The following OR4A15 variants were observed in gnomAD, a reference collection of about 807,000 sequenced individuals.
The protein encoded by OR4A15 is olfactory receptor family 4 subfamily A member 15, also known as olfactory receptor 4A15.
For missense variants in OR4A15, 657 were observed against 374.7 expected, an observed-to-expected ratio of 1.75 and a Z score of -6.22; for synonymous variants, 240 against 135.6, an observed-to-expected ratio of 1.77 and a Z score of -5.35.
chr11:55,368,135 T>A, exon 1 of OR4A15: 2 of 1,612,750 alleles, frequency 1.2e-6, no homozygotes, highest in Middle Eastern at 1.9e-4. Context: ...AGTCCCTGGG[T>A]TCCCCCATGT....
At chr11:55,368,694 C>T (rs766514141) in exon 1 of OR4A15, 2 of 1,613,634 alleles carry the variant, frequency 1.2e-6, no homozygotes, top group East Asian at 2.2e-5. Context: ...CTGTGCATCC[C>T]ACGTCACTGT....
Position 55,368,501 on chromosome 11 carries a change from G to C in OR4A15, c.528G>C (p.Leu176=), listed in dbSNP as rs533299103. Reference sequence around the variant, plus strand: ...GACCCAATGTCATTGACAACTTCCTGTGTGATTTGTATCCCTTATTGAAAC... The same window carrying C: ...GACCCAATGTCATTGACAACTTCCTCTGTGATTTGTATCCCTTATTGAAAC... The change falls in exon 1 of 1, where the codon CTG becomes CTC. Residue 176 remains leucine, a synonymous_variant. Transcript: ENST00000641526. 46 of 1,611,938 alleles carry C rather than the reference G, an allele frequency of 2.9e-5. No individual in the cohort carries two copies. In the East Asian group the frequency reaches 8.9e-4, roughly 31 times the overall value.
At chr11:55,368,577 G>A (rs747601331) in exon 1 of OR4A15, 1 of 1,613,448 alleles carries the variant, frequency 6.2e-7, no homozygotes, top group Non-Finnish European at 8.5e-7. Context: ...AGCTAATGGA[G>A]GAGCGATTTG....
chr11:55,368,725 C>A, exon 1 of OR4A15: 1 of 1,613,690 alleles, frequency 6.2e-7, no homozygotes, highest in African/African-American at 1.3e-5. Flanking sequence ...TTCTTTGTCC[C>A]CTGTATCTTC....
chr11:55,368,861 G>A (rs1565113230), exon 1 of OR4A15: 1 of 1,611,364 alleles, frequency 6.2e-7, no homozygotes. Context: ...AAAGTGCCAT[G>A]AGGAAACTTT....
At chr11:55,368,801 A>G in exon 1 of OR4A15, 1 of 1,613,572 alleles carries the variant, frequency 6.2e-7, no homozygotes, top group Non-Finnish European at 8.5e-7. Context: ...TAACTTTTAT[A>G]ACTCCCATGC....
In OR4A15 at chr11:55,368,794, C is replaced by G. The variant is rs111282202; in HGVS notation, c.821C>G (p.Thr274Ser). The change falls in exon 1 of 1, where the codon ACT (threonine) becomes AGT (serine). Residue 274 changes from threonine (T) to serine (S), a missense_variant. Coordinates refer to ENST00000641526, the Ensembl canonical transcript of OR4A15. ...GATAAATCCATGACTGTAGTTCTAACTTTTATAACTCCCATGCTGAACCCA... is the reference window on the plus strand; with the variant it reads ...GATAAATCCATGACTGTAGTTCTAAGTTTTATAACTCCCATGCTGAACCCA... 5,897 of 1,613,234 alleles carry G rather than the reference C, an allele frequency of 3.7e-3. 186 individuals carry two copies. In the African/African-American group the frequency reaches 0.066, roughly 18 times the overall value.
exon 1 of OR4A15, chr11:55,368,117 G>C (rs1263325419): frequency 6.2e-7 from 1 of 1,612,744 alleles, no homozygotes; most frequent in Non-Finnish European, 8.5e-7. Flanking sequence ...TGACCATCAT[G>C]GCCAGCCAGT....
At chr11:55,368,917 G>A in exon 1 of OR4A15, 1 of 1,573,388 alleles carries the variant, frequency 6.4e-7, no homozygotes, top group Non-Finnish European at 8.7e-7. Context: ...TATCACTCAT[G>A]AGAATGTGAC....
exon 1 of OR4A15, chr11:55,368,427 C>A (rs1853884649): frequency 9.9e-6 from 16 of 1,612,750 alleles, no homozygotes; most frequent in Non-Finnish European, 1.3e-5. Context: ...TGGAGGCTTT[C>A]TTCACTCATT....
chr11:55,368,342 C>T (rs1590669637), exon 1 of OR4A15: 3 of 1,612,564 alleles, frequency 1.9e-6, no homozygotes, highest in Non-Finnish European at 1.7e-6. Flanking sequence ...GATACATGGC[C>T]ATCTGTAAGC....
At chr11:55,368,701 C>G (rs376261936) in exon 1 of OR4A15, 4 of 1,613,556 alleles carry the variant, frequency 2.5e-6, no homozygotes, top group Admixed American at 3.3e-5. Context: ...TCCCACGTCA[C>G]TGTGGTCATT....
At position 55,368,668 on chromosome 11, in the gene OR4A15, G is replaced by A. The variant is rs753415282; in HGVS notation, c.695G>A (p.Arg232Gln). The change falls in exon 1 of 1, where the codon CGA becomes CAA. Residue 232 changes from arginine (R) to glutamine (Q), a missense_variant. Physicochemically the swap from Arg to Gln is conservative, Grantham distance 43 (BLOSUM62 1). Transcript: ENST00000641526. Reference sequence around the variant, plus strand: ...AAGACTCAGAGTTTGGAAGGGAAACGAAAAGCTTTCTACACCTGTGCATCC... The same window carrying A: ...AAGACTCAGAGTTTGGAAGGGAAACAAAAAGCTTTCTACACCTGTGCATCC... 1.8e-5 allele frequency: 29 copies of A among 1,613,708 alleles called. No individual in the cohort carries two copies. The highest frequency in any genetic ancestry group is 2.4e-5 in the Non-Finnish European group (28 of 1,179,860).
At position 55,368,763 on chromosome 11, in the gene OR4A15, C is replaced by T. The variant is rs1853894064; in HGVS notation, c.790C>T (p.Pro264Ser). The T allele has an allele frequency of 1.9e-6, 3 of 1,613,728 alleles. No homozygotes were observed. The East Asian group carries it at 6.7e-5, about 36-fold the overall frequency. ...GTATGCAAGGCCCAATTCTACTTTT[C>T]CCATTGATAAATCCATGACTGTAGT... Residue 264 changes from proline to serine, a missense_variant, in exon 1 of 1, where the codon CCC becomes TCC. By Grantham distance (74) the Pro-to-Ser change is moderately conservative (BLOSUM62 -1). Transcript: ENST00000641526.
At chr11:55,368,747 G>A (rs189463420) in exon 1 of OR4A15, 47 of 1,613,712 alleles carry the variant, frequency 2.9e-5, no homozygotes, top group Admixed American at 2.5e-4. Context: ...TGTATGCAAG[G>A]CCCAATTCTA....
exon 1 of OR4A15, chr11:55,368,149 T>A: frequency 6.2e-7 from 1 of 1,612,842 alleles, no homozygotes; most frequent in Non-Finnish European, 8.5e-7. Context: ...CCCATGTACT[T>A]TTTTCTGGCT....
exon 1 of OR4A15, chr11:55,368,184 T>G: frequency 6.2e-7 from 1 of 1,613,512 alleles, no homozygotes; most frequent in Non-Finnish European, 8.5e-7. Context: ...AGATACCGTC[T>G]ATTCTACTGC....
chr11:55,368,134 G>A (rs374505419), exon 1 of OR4A15: 7 of 1,612,604 alleles, frequency 4.3e-6, no homozygotes, highest in Admixed American at 1.7e-5. Context: ...CAGTCCCTGG[G>A]TTCCCCCATG....
At chr11:55,368,848 T>C in exon 1 of OR4A15, 1 of 1,612,890 alleles carries the variant, frequency 6.2e-7, no homozygotes, top group African/African-American at 1.3e-5. Context: ...AATGCAGAAA[T>C]GAAAAGTGCC....
Sources: gnomAD v4.1 joint callset for allele counts on GRCh38, gnomAD v4.1.1 for gene constraint, MANE v1.5 for transcripts, NCBI Gene and HGNC (gene_info 2026-07-23, HGNC 2026-07-21) for gene names.